The following YY1AP1 variants were observed in gnomAD, a reference collection of about 807,000 sequenced individuals.
YY1AP1 encodes YY1-associated protein 1.
In YY1AP1, 43 loss-of-function variants were observed where a neutral mutation model predicts 39.9. The ratio of observed to expected loss-of-function variants is 1.08; its 90% CI spans 0.84 to 1.39. YY1AP1 has a LOEUF of 1.39. Ranked by LOEUF, YY1AP1 falls within the 40% of genes most tolerant of loss-of-function variation. The pLI is 0.00. For synonymous variants in YY1AP1, 292 were observed against 331.3 expected, an observed-to-expected ratio of 0.88 and a Z score of 1.29; for missense variants, 813 against 900.7, an observed-to-expected ratio of 0.90 and a Z score of 1.25.
chr1:155,687,187 T>G (rs1652567083), intron 2 of YY1AP1, among the ~76,000 whole-genome samples: 1 of 152,240 alleles, frequency 6.6e-6, no homozygotes, highest in Non-Finnish European at 1.5e-5. Context: ...TTTACAGCTT[T>G]GTAGCAATGA....
chr1:155,679,156 A>C (rs1202861088), intron 4 of YY1AP1: 1 of 1,431,710 alleles, frequency 7.0e-7, no homozygotes, highest in African/African-American at 1.4e-5. Flanking sequence ...AGCACCACTC[A>C]CCCGGAGAAG....
intron 9 of YY1AP1, among the ~76,000 whole-genome samples, chr1:155,661,677 A>G (rs1648173665): frequency 6.6e-6 from 1 of 152,216 alleles, no homozygotes. Flanking sequence ...TCTTTTTGAG[A>G]CGGAGTCTTG....
chr1:155,668,246 A>G (rs1227343522), intron 9 of YY1AP1, among the ~76,000 whole-genome samples: 1 of 152,050 alleles, frequency 6.6e-6, no homozygotes, highest in Non-Finnish European at 1.5e-5. Flanking sequence ...AGCTGCAGTG[A>G]GCCAAGATCA....
intron 6 of YY1AP1, among the ~76,000 whole-genome samples, chr1:155,673,219 T>G (rs556603578): frequency 2.0e-5 from 3 of 152,278 alleles, no homozygotes; most frequent in East Asian, 3.9e-4. Flanking sequence ...TTTTCCCATC[T>G]TGGCCAGGCT....
At chr1:155,683,613 G>A (rs917464673) in intron 2 of YY1AP1, among the ~76,000 whole-genome samples, 1 of 151,914 alleles carries the variant, frequency 6.6e-6, no homozygotes, top group African/African-American at 2.4e-5. Context: ...TCAAAATCCT[G>A]CCACTGCATT....
chr1:155,688,269 A>G lies in YY1AP1; in HGVS notation c.-151-68T>C, dbSNP rs114089731. ...AAAGGGGCAAACTGAGAGGAGGCGGATCCCGCAACCGACACTGGGATCGTT... is the reference window on the plus strand; with the variant it reads ...AAAGGGGCAAACTGAGAGGAGGCGGGTCCCGCAACCGACACTGGGATCGTT... On this transcript the variant is annotated intron_variant, in intron 1 of 10. Transcript: ENST00000355499. The G allele has an allele frequency of 6.6e-4, 1,049 of 1,597,372 alleles. 5 individuals carry two copies. In the African/African-American group the frequency reaches 0.012, roughly 18 times the overall value.
chr1:155,680,368 G>C, intron 3 of YY1AP1, 48 bp downstream of exon 3: 1 of 1,608,896 alleles, frequency 6.2e-7, no homozygotes, highest in Non-Finnish European at 8.5e-7. Context: ...CATTTTGTTG[G>C]AGAACCAACT....
At chr1:155,675,360 C>CTGG (rs1650495271) in intron 5 of YY1AP1, among the ~76,000 whole-genome samples, 2 of 151,900 alleles carry the variant, frequency 1.3e-5, no homozygotes, top group African/African-American at 4.8e-5. Context: ...CAGAGTCTCG[C>CTGG]ACTGACTTTT....
rs1198882137 is a variant in YY1AP1 at position 155,688,554 on chromosome 1, AGCCAG to A, written c.-152+100_-152+104del. 291 of 1,539,288 alleles carry A rather than the reference AGCCAG, an allele frequency of 1.9e-4. 1 individual carries two copies. The highest frequency in any genetic ancestry group is 4.1e-4 in the Admixed American group (21 of 50,948). ...AACCACCACCTTCGGCCGTCCTGCG[AGCCAG>A]CCATCCCGTACGCGCTCACCCACGG... On this transcript the variant is annotated intron_variant, in intron 1 of 10. Coordinates refer to ENST00000355499, the MANE Select transcript of YY1AP1 (RefSeq NM_139119.3).
In YY1AP1 at chr1:155,688,058, TCGTTCTACTCAC is replaced by T. The variant is rs1259989754; in HGVS notation, c.-21+1_-21+12del. On this transcript the variant is annotated splice_donor_variant and splice_donor_5th_base_variant and intron_variant, in intron 2 of 10. Transcript: ENST00000355499. LOFTEE classifies it low-confidence loss of function (5UTR_SPLICE). ...GCTTAGGCCCGAATGCCGGCCCAAATCGTTCTACTCACCGTGTCGGAGGCCGAGAGCGATGAG... is the reference window on the plus strand; with the variant it reads ...GCTTAGGCCCGAATGCCGGCCCAAATCGTGTCGGAGGCCGAGAGCGATGAG... 25 of 1,561,682 alleles carry T rather than the reference TCGTTCTACTCAC, an allele frequency of 1.6e-5. No homozygotes were observed. Among genetic ancestry groups the T allele is most frequent in the Non-Finnish European group, 2.1e-5 (24 of 1,150,290 alleles).
intron 4 of YY1AP1, among the ~76,000 whole-genome samples, chr1:155,677,255 C>T (rs1650832099): frequency 6.6e-6 from 1 of 152,184 alleles, no homozygotes; most frequent in Non-Finnish European, 1.5e-5. Flanking sequence ...CATGGTAGTT[C>T]AAATGAACAG....
chr1:155,685,591 T>C (rs1473729997), intron 2 of YY1AP1, among the ~76,000 whole-genome samples: 1 of 152,204 alleles, frequency 6.6e-6, no homozygotes, highest in Non-Finnish European at 1.5e-5. Flanking sequence ...CATTTACTAA[T>C]ACTGCAGAAA....
At chr1:155,661,030 A>G (rs1648022057) in intron 10 of YY1AP1, 117 bp from the exon 11 acceptor site, 2 of 1,544,184 alleles carry the variant, frequency 1.3e-6, no homozygotes, top group Non-Finnish European at 1.8e-6. Flanking sequence ...GGGACTCTGC[A>G]TATGAAATTT....
At chr1:155,661,561 A>T in intron 9 of YY1AP1, 138 bp from the exon 10 acceptor site, 1 of 1,442,986 alleles carries the variant, frequency 6.9e-7, no homozygotes. Context: ...AAGACCACAT[A>T]CACAAACATC....
At chr1:155,675,778 G>A (rs559299596) in intron 5 of YY1AP1, among the ~76,000 whole-genome samples, 12 of 152,228 alleles carry the variant, frequency 7.9e-5, no homozygotes, top group Admixed American at 2.0e-4. Flanking sequence ...CATTAACTAA[G>A]ATGTTTGCAA....
At chr1:155,683,495 A>C (rs758998945) in intron 2 of YY1AP1, among the ~76,000 whole-genome samples, 23 of 152,240 alleles carry the variant, frequency 1.5e-4, no homozygotes, top group Admixed American at 7.2e-4. Flanking sequence ...GTCTCTACTA[A>C]CAATACAAAA....
chr1:155,685,948 C>T (rs1276470750), intron 2 of YY1AP1, among the ~76,000 whole-genome samples: 2 of 151,300 alleles, frequency 1.3e-5, no homozygotes, highest in Non-Finnish European at 2.9e-5. Flanking sequence ...AAGAATACAG[C>T]TAAGTTGGCT....
chr1:155,681,772 T>C (rs960934700), intron 2 of YY1AP1, among the ~76,000 whole-genome samples: 1 of 151,826 alleles, frequency 6.6e-6, no homozygotes, highest in Admixed American at 6.6e-5. Flanking sequence ...TGATGGAAAA[T>C]TCAGAATCAT....
intron 6 of YY1AP1, among the ~76,000 whole-genome samples, chr1:155,674,473 T>C (rs555313973): frequency 2.0e-5 from 3 of 151,948 alleles, no homozygotes; most frequent in Non-Finnish European, 4.4e-5. Flanking sequence ...TGAATAGCGG[T>C]ACCAAAAACC....
Sources: gnomAD v4.1 joint callset for allele counts (sites outside exome capture counted in the v4.1 genomes callset) on GRCh38, gnomAD v4.1.1 for gene constraint, MANE v1.5 for transcripts, NCBI Gene and HGNC (gene_info 2026-07-23, HGNC 2026-07-21) for gene names.